EIPR1: variants seen among roughly 807,000 people sequenced by gnomAD.
EIPR1 encodes the protein EARP complex and GARP complex interacting protein 1.
In EIPR1, 25 loss-of-function variants were observed where a neutral mutation model predicts 48.1. The observed-to-expected ratio is 0.52, with a 90% confidence interval of 0.38 to 0.73. EIPR1 has a LOEUF of 0.73. Among genes scored for constraint, EIPR1 ranks in the 30% least tolerant of loss-of-function variants. The probability of loss-of-function intolerance (pLI) is 0.00; values close to 1 mark genes in which losing one functional copy is unlikely to be tolerated. For missense variants in EIPR1, 415 were observed against 506.2 expected, an observed-to-expected ratio of 0.82 and a Z score of 1.73; for synonymous variants, 204 against 201.9, an observed-to-expected ratio of 1.01 and a Z score of -0.09.
chr2:3,297,156 C>T (rs1668627224), intron 3 of EIPR1, among the ~76,000 whole-genome samples: 1 of 152,164 alleles, frequency 6.6e-6, no homozygotes, highest in Non-Finnish European at 1.5e-5. Context: ...ATGCTAGGAG[C>T]TCAGCATGTA....
intron 1 of EIPR1, among the ~76,000 whole-genome samples, chr2:3,372,141 A>C (rs896920889): frequency 1.3e-5 from 2 of 151,462 alleles, no homozygotes; most frequent in Non-Finnish European, 2.9e-5. Context: ...TACTGGGTAC[A>C]TAATGAAATG....
chr2:3,339,687 G>A (rs74710596), intron 2 of EIPR1, among the ~76,000 whole-genome samples: 25,406 of 152,090 alleles, frequency 0.17, 3,464 homozygotes, highest in African/African-American at 0.36. Context: ...GGTGGCTCAC[G>A]CCTGTAATTG....
chr2:3,327,287 G>A (rs4854176), intron 3 of EIPR1, among the ~76,000 whole-genome samples: 69,072 of 152,004 alleles, frequency 0.45, 16,695 homozygotes, highest in East Asian at 0.81. Flanking sequence ...GGGGTCAAGC[G>A]ATTCTCCTGC....
At chr2:3,243,298 G>C (rs914982038) in intron 4 of EIPR1, among the ~76,000 whole-genome samples, 8 of 152,014 alleles carry the variant, frequency 5.3e-5, no homozygotes, top group Non-Finnish European at 8.8e-5. Flanking sequence ...ATAGAACTTG[G>C]GCATAGCTCA....
intron 2 of EIPR1, among the ~76,000 whole-genome samples, chr2:3,341,198 TAAC>T (rs758327504): frequency 3.4e-5 from 5 of 148,358 alleles, no homozygotes; most frequent in South Asian, 4.2e-4. Flanking sequence ...TAATGACAAG[TAAC>T]AACAACACAC....
intron 4 of EIPR1, among the ~76,000 whole-genome samples, chr2:3,217,948 C>T (rs1050877451): frequency 1.3e-5 from 2 of 152,200 alleles, no homozygotes; most frequent in African/African-American, 2.4e-5. Context: ...ATGCTAAATA[C>T]ACGTGAGTCC....
chr2:3,313,908 G>C (rs1422456073), intron 3 of EIPR1, among the ~76,000 whole-genome samples: 1 of 152,154 alleles, frequency 6.6e-6, no homozygotes, highest in Non-Finnish European at 1.5e-5. Flanking sequence ...TCACCCCCCG[G>C]TCTTCATTAG....
chr2:3,194,698 G>C (rs913290253), intron 6 of EIPR1, among the ~76,000 whole-genome samples: 3 of 150,076 alleles, frequency 2.0e-5, no homozygotes, highest in East Asian at 1.9e-4. Context: ...AGAGAGAAAG[G>C]GGGGGGCAGT....
At chr2:3,209,756 C>T (rs531957617) in intron 5 of EIPR1, among the ~76,000 whole-genome samples, 6 of 152,192 alleles carry the variant, frequency 3.9e-5, no homozygotes, top group African/African-American at 1.4e-4. Context: ...TACTAAGGGA[C>T]AGAAACCAAT....
intron 3 of EIPR1, among the ~76,000 whole-genome samples, chr2:3,285,146 G>A (rs1239305481): frequency 2.0e-5 from 3 of 152,126 alleles, no homozygotes; most frequent in African/African-American, 4.8e-5. Context: ...CGAGGTCAGC[G>A]AGCCTGTGGC....
intron 1 of EIPR1, among the ~76,000 whole-genome samples, chr2:3,375,836 A>ACTAT (rs1395043569): frequency 6.6e-6 from 1 of 152,244 alleles, no homozygotes; most frequent in Admixed American, 6.5e-5. Flanking sequence ...TGCTAAGCAG[A>ACTAT]GTGTCTGACA....
rs181861079 is a variant in EIPR1 at position 3,216,822 on chromosome 2, G to A, written c.417-2574C>T. ...GTGAAGAATTCCAGGTCAGAGTGAA[G>A]ATGTCATATTAACAAATAACACTAT... On this transcript the variant is annotated intron_variant, in intron 4 of 8. Coordinates refer to ENST00000382125, the MANE Select transcript of EIPR1 (RefSeq NM_003310.5). Among the ~76,000 whole-genome samples, 72 of 152,330 alleles carry A rather than the reference G, an allele frequency of 4.7e-4. No homozygotes were observed. In the East Asian group the frequency reaches 0.011, roughly 23 times the overall value.
intron 6 of EIPR1, among the ~76,000 whole-genome samples, chr2:3,196,340 T>C (rs1028558651): frequency 3.9e-5 from 6 of 152,232 alleles, no homozygotes; most frequent in Non-Finnish European, 7.3e-5. Context: ...ACAGACGTGC[T>C]ACCATCACTC....
At chr2:3,247,174 T>C (rs1036477784) in intron 4 of EIPR1, among the ~76,000 whole-genome samples, 2 of 151,996 alleles carry the variant, frequency 1.3e-5, no homozygotes, top group East Asian at 1.9e-4. Flanking sequence ...TTCTAGTAAC[T>C]TTGCCTTTAA....
chr2:3,243,716 A>T (rs1428722216), intron 4 of EIPR1, among the ~76,000 whole-genome samples: 1 of 152,098 alleles, frequency 6.6e-6, no homozygotes, highest in East Asian at 1.9e-4. Flanking sequence ...ACCATTTATC[A>T]GTGTGTAGGC....
chr2:3,346,691 G>C (rs1054937436), intron 2 of EIPR1, among the ~76,000 whole-genome samples: 4 of 152,142 alleles, frequency 2.6e-5, no homozygotes, highest in Non-Finnish European at 5.9e-5. Flanking sequence ...TAGAGAAAAG[G>C]CATCAATTAG....
At chr2:3,231,007 T>A (rs1409628922) in intron 4 of EIPR1, among the ~76,000 whole-genome samples, 1 of 152,220 alleles carries the variant, frequency 6.6e-6, no homozygotes, top group Non-Finnish European at 1.5e-5. Context: ...TTGGTTTGCA[T>A]CTTCTTCAAT....
In EIPR1 at chr2:3,253,040, C is replaced by T. The variant is rs577385436; in HGVS notation, c.416+4259G>A. 8.5e-5 allele frequency among the ~76,000 whole-genome samples: 13 copies of T among 152,284 alleles called. No individual in the cohort carries two copies. In the East Asian group the frequency reaches 1.2e-3, roughly 14 times the overall value. The stretch of plus-strand genomic sequence containing the variant: ...CATTCTACCTCTCTGGCATCAACAT[C>T]GACACAGGCTTTAAGTCTGATAGGA... On this transcript the variant is annotated intron_variant, in intron 4 of 8. Coordinates refer to ENST00000382125, the MANE Select transcript of EIPR1 (RefSeq NM_003310.5).
chr2:3,305,420 T>A (rs1668909932), intron 3 of EIPR1, among the ~76,000 whole-genome samples: 1 of 149,494 alleles, frequency 6.7e-6, no homozygotes, highest in Non-Finnish European at 1.5e-5. Context: ...TCCCATCTAG[T>A]TCAACCTTCC....
Sources: gnomAD v4.1 joint callset for allele counts (sites outside exome capture counted in the v4.1 genomes callset) on GRCh38, gnomAD v4.1.1 for gene constraint, MANE v1.5 for transcripts, NCBI Gene and HGNC (gene_info 2026-07-23, HGNC 2026-07-21) for gene names.